The following MIR2052HG variants were observed in gnomAD, a reference collection of about 807,000 sequenced individuals.
MIR2052HG encodes MIR2052 host gene.
chr8:74,740,745 A>G (rs1049548021), intron 4 of MIR2052HG, among the ~76,000 whole-genome samples: 1 of 152,176 alleles, frequency 6.6e-6, no homozygotes, highest in Non-Finnish European at 1.5e-5. Flanking sequence ...TACATGACCA[A>G]TTCCTCTTAG....
At chr8:74,693,621 GGGTGGGAAT>G (rs1191243348) in intron 2 of MIR2052HG, among the ~76,000 whole-genome samples, 17 of 149,816 alleles carry the variant, frequency 1.1e-4, no homozygotes, top group African/African-American at 3.7e-4. Flanking sequence ...GGGGGGGGAG[GGGTGGGAAT>G]GGTGGGAATG....
At chr8:74,706,816 A>C (rs2128741351) in intron 4 of MIR2052HG, among the ~76,000 whole-genome samples, 1 of 152,174 alleles carries the variant, frequency 6.6e-6, no homozygotes, top group East Asian at 1.9e-4. Context: ...GCTCTCAGAA[A>C]ATTTTTTTTC....
intron 4 of MIR2052HG, among the ~76,000 whole-genome samples, chr8:74,709,281 A>T (rs564187769): frequency 1.3e-5 from 2 of 152,262 alleles, no homozygotes; most frequent in South Asian, 2.1e-4. Flanking sequence ...GGAGGAAGTA[A>T]ACTCCAGATG....
At chr8:74,673,197 C>A (rs1260134924) in intron 2 of MIR2052HG, among the ~76,000 whole-genome samples, 1 of 151,884 alleles carries the variant, frequency 6.6e-6, no homozygotes, top group Non-Finnish European at 1.5e-5. Context: ...AGATATTTAC[C>A]CAGGCTTTCC....
intron 4 of MIR2052HG, among the ~76,000 whole-genome samples, chr8:74,750,480 T>C (rs1809933626): frequency 1.3e-5 from 2 of 152,184 alleles, no homozygotes; most frequent in African/African-American, 4.8e-5. Context: ...TAAAATATCA[T>C]AGGAACAAGG....
intron 4 of MIR2052HG, among the ~76,000 whole-genome samples, chr8:74,742,025 G>T (rs1268527863): frequency 1.3e-5 from 2 of 152,106 alleles, no homozygotes; most frequent in Non-Finnish European, 2.9e-5. Flanking sequence ...TATCCATTTT[G>T]GGATTACAAA....
intron 2 of MIR2052HG, among the ~76,000 whole-genome samples, chr8:74,676,869 A>G (rs894125553): frequency 1.3e-5 from 2 of 151,998 alleles, no homozygotes; most frequent in Non-Finnish European, 2.9e-5. Context: ...GATTGTGGTA[A>G]TCATTTCACA....
intron 4 of MIR2052HG, among the ~76,000 whole-genome samples, chr8:74,731,779 C>T (rs182597888): frequency 6.6e-6 from 1 of 152,256 alleles, no homozygotes; most frequent in African/African-American, 2.4e-5. Context: ...CACTTATAAT[C>T]ACAACAATGA....
chr8:74,674,937 T>G (rs1437432042), intron 2 of MIR2052HG, among the ~76,000 whole-genome samples: 1 of 151,912 alleles, frequency 6.6e-6, no homozygotes, highest in Non-Finnish European at 1.5e-5. Flanking sequence ...ATAACAGGCT[T>G]TTATTGAACC....
At chr8:74,716,803 G>A (rs1809525823) in intron 4 of MIR2052HG, among the ~76,000 whole-genome samples, 1 of 152,114 alleles carries the variant, frequency 6.6e-6, no homozygotes, top group Non-Finnish European at 1.5e-5. Flanking sequence ...ACGTGGATAT[G>A]TGCATGCATG....
intron 2 of MIR2052HG, among the ~76,000 whole-genome samples, chr8:74,655,301 A>G (rs565129754): frequency 2.0e-5 from 3 of 152,222 alleles, no homozygotes; most frequent in Non-Finnish European, 4.4e-5. Context: ...CCGAATGTTA[A>G]TCCACAAGAC....
At chr8:74,684,496 A>G (rs532064778) in intron 2 of MIR2052HG, among the ~76,000 whole-genome samples, 16 of 152,222 alleles carry the variant, frequency 1.1e-4, no homozygotes, top group African/African-American at 3.1e-4. Context: ...TGTGTAAAGT[A>G]TATTCTTTTC....
intron 4 of MIR2052HG, among the ~76,000 whole-genome samples, chr8:74,711,861 C>A (rs1809471149): frequency 6.6e-6 from 1 of 152,138 alleles, no homozygotes; most frequent in East Asian, 1.9e-4. Flanking sequence ...GTGGAGCAAC[C>A]ATGTGATGGA....
chr8:74,743,859 G>A (rs1426596744), intron 4 of MIR2052HG, among the ~76,000 whole-genome samples: 1 of 152,120 alleles, frequency 6.6e-6, no homozygotes, highest in Non-Finnish European at 1.5e-5. Context: ...AGGTGATCAT[G>A]AGCCCACACT....
At chr8:74,690,799 C>T (rs1415920859) in intron 2 of MIR2052HG, among the ~76,000 whole-genome samples, 1 of 151,904 alleles carries the variant, frequency 6.6e-6, no homozygotes, top group South Asian at 2.1e-4. Flanking sequence ...ACTTCAACAT[C>T]GAAGGCAATA....
Position 74,652,128 on chromosome 8 carries a change from C to T in MIR2052HG, n.216+39188C>T, listed in dbSNP as rs539140706. 3.3e-5 allele frequency among the ~76,000 whole-genome samples: 5 copies of T among 152,282 alleles called. No individual in the cohort carries two copies. The South Asian group carries it at 1.0e-3, about 32-fold the overall frequency. ...ATAGGCTATAGCCTCAGTGTCATCT[C>T]TGATTAGTTGCTAAAATATTTCACA... On this transcript the variant is annotated intron_variant and non_coding_transcript_variant, in intron 2 of 6. Transcript: ENST00000523442.
chr8:74,733,250 G>A (rs1041983102), intron 4 of MIR2052HG, among the ~76,000 whole-genome samples: 1 of 151,584 alleles, frequency 6.6e-6, no homozygotes, highest in African/African-American at 2.4e-5. Context: ...CCCCACAACA[G>A]GCCCCAGAGT....
intron 2 of MIR2052HG, among the ~76,000 whole-genome samples, chr8:74,636,229 T>G (rs943181922): frequency 6.6e-6 from 1 of 152,194 alleles, no homozygotes; most frequent in Admixed American, 6.5e-5. Flanking sequence ...TGTTCTTTAC[T>G]TACCTTTCTG....
chr8:74,632,809 A>G (rs1055134009), intron 2 of MIR2052HG, among the ~76,000 whole-genome samples: 1 of 152,094 alleles, frequency 6.6e-6, no homozygotes, highest in African/African-American at 2.4e-5. Flanking sequence ...CAAACTTCTT[A>G]TCTTGGCATA....
Sources: allele counts gnomAD v4.1 joint callset (sites outside exome capture counted in the v4.1 genomes callset), GRCh38; gene constraint gnomAD v4.1.1; transcripts MANE v1.5; gene names NCBI Gene and HGNC (gene_info 2026-07-23, HGNC 2026-07-21).